DRG2: variants seen among roughly 807,000 people sequenced by gnomAD.
The protein encoded by DRG2 is developmentally regulated GTP binding protein 2.
Under a neutral mutation model 53.4 loss-of-function variants are expected in DRG2, and 36 were observed. That is an observed-to-expected ratio of 0.67 (90% CI 0.52 to 0.89). DRG2 has a LOEUF of 0.89. Among genes scored for constraint, DRG2 ranks in the 40% least tolerant of loss-of-function variants. DRG2 has a pLI of 0.00. For missense variants in DRG2, 342 were observed against 481.2 expected (o/e 0.71, Z 2.71); for synonymous variants, 167 against 192.1 (o/e 0.87, Z 1.08).
chr17:18,106,735 C>T (rs1156279820), intron 12 of DRG2, among the ~76,000 whole-genome samples: 2 of 145,972 alleles, frequency 1.4e-5, no homozygotes, highest in Admixed American at 7.0e-5. Context: ...CTGTCTCCCA[C>T]GCTGGAGTGC....
intron 8 of DRG2, 93 bp from the exon 9 acceptor site, chr17:18,101,828 G>A (rs1202253918): frequency 7.1e-7 from 1 of 1,417,894 alleles, no homozygotes; most frequent in Non-Finnish European, 9.7e-7. Flanking sequence ...AGCTCTCCAA[G>A]GAAGGGCTGC....
Position 18,098,455 on chromosome 17 carries a change from C to T in DRG2, c.315+96C>T, listed in dbSNP as rs2045471289. 1 of 1,125,114 alleles carries T rather than the reference C, an allele frequency of 8.9e-7. No individual in the cohort carries two copies. Among genetic ancestry groups the T allele is most frequent in the Middle Eastern group, 2.0e-4 (1 of 4,984 alleles). 69.7% of individuals were successfully genotyped at this position (1,125,114 alleles called of 1,614,324 possible). ...CCTGTGTGTGAGTCTGGGTGGATGT[C>T]CCCATGTCAGGACAGGCTCTGGACT... On this transcript the variant is annotated intron_variant, in intron 3 of 12. Coordinates refer to ENST00000225729, the MANE Select transcript of DRG2 (RefSeq NM_001388.5). The surrounding 1 kb of genome is among the most constrained non-coding windows in gnomAD (Gnocchi z 4.1).
rs1026049889 is a variant in DRG2, at chr17:18,091,918, A to G, written c.65-1895A>G. 7.2e-5 allele frequency: 11 copies of G among 152,346 alleles called. No individual in the cohort carries two copies. In the East Asian group the frequency reaches 2.1e-3, roughly 29 times the overall value. The allele number at this position is 152,346 out of a possible 1,614,324, so 9.4% of individuals were successfully genotyped here. A position where few individuals can be genotyped will look rare whatever the true frequency, so the allele number is the denominator to read the frequency against. Reference sequence around the variant, plus strand: ...CTACTGTTAATAACCCTATTTGCAGATTAAGAAACTGATGCACAAGAAGAC... The same window carrying G: ...CTACTGTTAATAACCCTATTTGCAGGTTAAGAAACTGATGCACAAGAAGAC... On this transcript the variant is annotated intron_variant, in intron 1 of 12. Coordinates refer to ENST00000225729, the MANE Select transcript of DRG2 (RefSeq NM_001388.5).
At chr17:18,104,967 G>A (rs1032274233) in intron 11 of DRG2, among the ~76,000 whole-genome samples, 1 of 152,194 alleles carries the variant, frequency 6.6e-6, no homozygotes. Flanking sequence ...TCAGCATGCT[G>A]CCTGGCTTTG....
chr17:18,101,576 A>C lies in DRG2; in HGVS notation c.715A>C (p.Met239Leu), dbSNP rs768188297. Residue 239 changes from methionine (M) to leucine (L), a missense_variant, in exon 8 of 13, where the codon ATG (methionine) becomes CTG (leucine). Met to Leu is a conservative substitution (Grantham distance 15). Coordinates refer to ENST00000225729, the MANE Select transcript of DRG2 (RefSeq NM_001388.5). Reference sequence around the variant, plus strand: ...TGTGATCGTGGGCAACCGGGTGTACATGCCCTGCCTGTATGTAAGTGCAGG... The same window carrying C: ...TGTGATCGTGGGCAACCGGGTGTACCTGCCCTGCCTGTATGTAAGTGCAGG... ...IDVIVGNRVY[M>L]PCLYVYNKID... is the part of the protein sequence containing the mutation. 4 of 1,614,028 alleles carry C rather than the reference A, an allele frequency of 2.5e-6. No individual in the cohort carries two copies. The highest frequency in any genetic ancestry group is 1.1e-5 in the South Asian group (1 of 91,080).
chr17:18,088,123 T>C (rs1429225994), intron 1 of DRG2, 36 bp downstream of exon 1: 1 of 1,532,686 alleles, frequency 6.5e-7, no homozygotes, highest in African/African-American at 1.4e-5. Context: ...CCTTTCTGCC[T>C]GCCTCAGTTT....
rs755693180 is a variant in DRG2 at position 18,100,606 on chromosome 17, T to C, written c.578T>C (p.Val193Ala). 6.2e-7 allele frequency: 1 copy of C among 1,614,194 alleles called. No individual in the cohort carries two copies. The highest frequency in any genetic ancestry group is 8.5e-7 in the Non-Finnish European group (1 of 1,180,034). The change falls in exon 7 of 13, where the codon GTC becomes GCC. Residue 193 changes from valine to alanine, a missense_variant. Transcript: ENST00000225729. This position sits in a 1 kb window ranked among gnomAD's most constrained non-coding sequence, Gnocchi z 4.1. ...KGGGISFNST[V>A]TLTQCSEKLV... is the part of the protein sequence containing the mutation. ...GGTGGCATCTCCTTTAACTCGACAG[T>C]CACGCTGACCCAGTGCTCGGAAAAG...
intron 2 of DRG2, chr17:18,094,271 A>C (rs765725724): frequency 3.6e-6 from 1 of 280,116 alleles, no homozygotes. Context: ...CTAGAGACAT[A>C]GCATGAATGA....
At position 18,100,273 on chromosome 17, in the gene DRG2, T is replaced by A. The variant is rs1167806399; in HGVS notation, c.468-90T>A. ...GGGGGTGGAGGAGAGAGTCAGTCTC[T>A]GGGTGGGCAGTGACATCCTGCGTAA... On this transcript the variant is annotated intron_variant, in intron 5 of 12. Coordinates refer to ENST00000225729, the MANE Select transcript of DRG2 (RefSeq NM_001388.5). The surrounding 1 kb of genome is among the most constrained non-coding windows in gnomAD (Gnocchi z 4.1). 1.2e-5 allele frequency: 16 copies of A among 1,338,118 alleles called. No individual in the cohort carries two copies. Among genetic ancestry groups the A allele is most frequent in the Non-Finnish European group, 2.1e-6 (2 of 931,622 alleles). The allele number at this position is 1,338,118 out of a possible 1,614,324, so 82.9% of individuals were successfully genotyped here. A position where few individuals can be genotyped will look rare whatever the true frequency, so the allele number is the denominator to read the frequency against.
chr17:18,099,669 G>A lies in DRG2; in HGVS notation c.413G>A (p.Arg138His), dbSNP rs755187661. Residue 138 changes from arginine to histidine, a missense_variant, in exon 5 of 13, where the codon CGC becomes CAC. By Grantham distance (29) the Arg-to-His change is conservative (BLOSUM62 0). Transcript: ENST00000225729. The surrounding 1 kb of genome is among the most constrained non-coding windows in gnomAD (Gnocchi z 4.4). ...GGCCGGCAGGTGATCGCTGTGGCGC[G>A]CACGGCTGACGTCATCATCATGATG... ...GRGRQVIAVA[R>H]TADVIIMMLD... 1.6e-5 allele frequency: 26 copies of A among 1,607,442 alleles called. No homozygotes were observed. Among genetic ancestry groups the A allele is most frequent in the Non-Finnish European group, 2.1e-5 (25 of 1,177,734 alleles).
chr17:18,098,915 A>G lies in DRG2; in HGVS notation c.316-102A>G. On this transcript the variant is annotated intron_variant, in intron 3 of 12. Transcript: ENST00000225729. The surrounding 1 kb of genome is among the most constrained non-coding windows in gnomAD (Gnocchi z 4.1). Reference sequence around the variant, plus strand: ...ACAGGTTGGCATCTGGGTTTCCCTCAGCCCCTGAGCCCCGGGGCCATTCCA... The same window carrying G: ...ACAGGTTGGCATCTGGGTTTCCCTCGGCCCCTGAGCCCCGGGGCCATTCCA... 2 of 1,362,642 alleles carry G rather than the reference A, an allele frequency of 1.5e-6. No homozygotes were observed. Among genetic ancestry groups the G allele is most frequent in the Non-Finnish European group, 2.1e-6 (2 of 973,142 alleles). 84.4% of individuals were successfully genotyped at this position (1,362,642 alleles called of 1,614,324 possible).
At chr17:18,092,942 C>T (rs1306411005) in intron 1 of DRG2, among the ~76,000 whole-genome samples, 1 of 152,152 alleles carries the variant, frequency 6.6e-6, no homozygotes, top group Non-Finnish European at 1.5e-5. Flanking sequence ...CATAGTCTTC[C>T]CTTCATATAC....
chr17:18,090,494 G>A (rs1207955304), intron 1 of DRG2, among the ~76,000 whole-genome samples: 6 of 130,514 alleles, frequency 4.6e-5, no homozygotes, highest in Non-Finnish European at 9.3e-5. Flanking sequence ...TCGGCTCACC[G>A]CAACCTCCGC....
At chr17:18,104,762 G>T in intron 11 of DRG2, 81 bp downstream of exon 11, 1 of 1,603,836 alleles carries the variant, frequency 6.2e-7, no homozygotes. Flanking sequence ...AGGTGCCCTG[G>T]GCTGGGGGTG....
At chr17:18,096,691 G>A (rs541951001) in intron 2 of DRG2, 6 of 152,342 alleles carry the variant, frequency 3.9e-5, no homozygotes, top group African/African-American at 1.2e-4. Context: ...AATCACTCTG[G>A]CTGTTGTGTA....
chr17:18,091,882 C>T (rs1453197163), intron 1 of DRG2: 1 of 152,082 alleles, frequency 6.6e-6, no homozygotes, highest in Non-Finnish European at 1.5e-5. Context: ...AGAAATCTGC[C>T]TAAGAAGTTA....
chr17:18,096,258 CTG>C (rs1407734462), intron 2 of DRG2: 4 of 152,182 alleles, frequency 2.6e-5, no homozygotes, highest in African/African-American at 9.7e-5. Flanking sequence ...AGGGAGGTGA[CTG>C]TGTGCAGTCC....
Position 18,100,050 on chromosome 17 carries a change from TG to T in DRG2, c.468-311del, listed in dbSNP as rs1012765119. The T allele has an allele frequency of 1.7e-6, 1 of 575,376 alleles. No homozygotes were observed. The highest frequency in any genetic ancestry group is 1.9e-5 in the African/African-American group (1 of 53,396). The allele number at this position is 575,376 out of a possible 1,614,324, so 35.6% of individuals were successfully genotyped here. On this transcript the variant is annotated intron_variant, in intron 5 of 12. Transcript: ENST00000225729. This position sits in a 1 kb window ranked among gnomAD's most constrained non-coding sequence, Gnocchi z 4.1. ...ACAGAAGCATTGTTCATCCACATCC[TG>T]GCAGAGGGGTACACCAGGCCTGCCT...
intron 8 of DRG2, 146 bp from the exon 9 acceptor site, chr17:18,101,775 C>T: frequency 4.4e-6 from 5 of 1,148,610 alleles, no homozygotes; most frequent in Non-Finnish European, 4.9e-6. Flanking sequence ...CCAGCCCAGC[C>T]TTCCCAACCC....
Sources: gnomAD v4.1 joint callset for allele counts (sites outside exome capture counted in the v4.1 genomes callset) on GRCh38, gnomAD v4.1.1 for gene constraint, Gnocchi (gnomAD v3.1) non-coding constraint, MANE v1.5 for transcripts, NCBI Gene and HGNC (gene_info 2026-07-23, HGNC 2026-07-21) for gene names.